LIX1L: variants seen among roughly 807,000 people sequenced by gnomAD.
LIX1L encodes LIX1-like protein.
A neutral mutation model predicts 34.0 loss-of-function variants in LIX1L; 20 were observed. That is an observed-to-expected ratio of 0.59 (90% CI 0.41 to 0.85). The LOEUF is 0.85. LIX1L is among the 40% of genes least tolerant of loss of function. The probability of loss-of-function intolerance (pLI) is 0.00; values close to 1 mark genes in which losing one functional copy is unlikely to be tolerated. For synonymous variants in LIX1L, 170 were observed against 187.4 expected, an observed-to-expected ratio of 0.91 and a Z score of 0.76; for missense variants, 397 against 447.0, an observed-to-expected ratio of 0.89 and a Z score of 1.01.
intron 2 of LIX1L, among the ~76,000 whole-genome samples, chr1:145,945,777 G>T (rs1649081537): frequency 7.3e-6 from 1 of 136,404 alleles, no homozygotes. Context: ...AAGAAGGAAA[G>T]ATCTTATTCT....
Position 145,948,822 on chromosome 1 carries a change from AC to A in LIX1L, c.293-1041del, listed in dbSNP as rs1649194704. 1.3e-5 allele frequency: 2 copies of A among 152,186 alleles called. No individual in the cohort carries two copies. The highest frequency in any genetic ancestry group is 1.3e-4 in the Admixed American group (2 of 15,274). 9.4% of individuals were successfully genotyped at this position (152,186 alleles called of 1,614,324 possible). A position where few individuals can be genotyped will look rare whatever the true frequency, so the allele number is the denominator to read the frequency against. ...AGCAAGAAATATTGAGGGATGAGGTACTACCTTCACTCAGATAAAGAACTTG... is the reference window on the plus strand; with the variant it reads ...AGCAAGAAATATTGAGGGATGAGGTATACCTTCACTCAGATAAAGAACTTG... On this transcript the variant is annotated intron_variant, in intron 1 of 5. Transcript: ENST00000604000. The surrounding 1 kb of genome is among the most constrained non-coding windows in gnomAD (Gnocchi z 4.0).
At chr1:145,954,581 A>G (rs587624628) in intron 1 of LIX1L, among the ~76,000 whole-genome samples, 53 of 152,348 alleles carry the variant, frequency 3.5e-4, no homozygotes, top group African/African-American at 1.2e-3. Flanking sequence ...TACTTCCAAA[A>G]CAACAGGTTT....
intron 1 of LIX1L, among the ~76,000 whole-genome samples, chr1:145,953,845 G>A (rs1376223147): frequency 6.6e-6 from 1 of 152,088 alleles, no homozygotes; most frequent in Non-Finnish European, 1.5e-5. Flanking sequence ...CTTGAGGCCA[G>A]GAGTTCAAGA....
At chr1:145,945,748 CAAA>C (rs1289472683) in intron 2 of LIX1L, among the ~76,000 whole-genome samples, 10 of 78,340 alleles carry the variant, frequency 1.3e-4, no homozygotes, top group Admixed American at 1.6e-4. Flanking sequence ...GACTCTATCT[CAAA>C]AAAAAAAAAA....
At chr1:145,940,757 T>C (rs1322255945) in intron 3 of LIX1L, among the ~76,000 whole-genome samples, 2 of 151,210 alleles carry the variant, frequency 1.3e-5, no homozygotes, top group African/African-American at 4.9e-5. Context: ...TTTCACCATG[T>C]CAGCCAGATG....
intron 4 of LIX1L, chr1:145,937,270 G>C (rs1553757968): frequency 1.0e-5 from 2 of 199,192 alleles, no homozygotes; most frequent in Admixed American, 5.8e-5. Flanking sequence ...CTGCTTCCTG[G>C]GTTCAAGCAA....
chr1:145,939,728 T>A (rs1236114870), intron 3 of LIX1L: 1 of 148,362 alleles, frequency 6.7e-6, no homozygotes, highest in African/African-American at 2.5e-5. Context: ...AGCCTTGACC[T>A]CCTCACTCAA....
Position 145,944,777 on chromosome 1 carries a change from C to G in LIX1L, c.457-1924G>C, listed in dbSNP as rs144726781. Among the ~76,000 whole-genome samples the G allele has an allele frequency of 3.6e-3, 552 of 152,284 alleles. 5 individuals are homozygous for G. The highest frequency in any genetic ancestry group is 0.013 in the African/African-American group (532 of 41,564). Reference sequence around the variant, plus strand: ...GCGAGGTGGCTCACACCTGTAATCCCAGCACTTTGGAAGGCTGAGGTGAAA... The same window carrying G: ...GCGAGGTGGCTCACACCTGTAATCCGAGCACTTTGGAAGGCTGAGGTGAAA... On this transcript the variant is annotated intron_variant, in intron 2 of 5. Coordinates refer to ENST00000604000, the MANE Select transcript of LIX1L (RefSeq NM_153713.3).
rs1648533294 is a variant in LIX1L, at chr1:145,934,237, C to G, written c.*2073G>C. 1 of 152,156 alleles carries G rather than the reference C, an allele frequency of 6.6e-6. No homozygotes were observed. The highest frequency in any genetic ancestry group is 2.4e-5 in the African/African-American group (1 of 41,438). 9.4% of individuals were successfully genotyped at this position (152,156 alleles called of 1,614,324 possible). On this transcript the variant is annotated 3_prime_UTR_variant, in exon 6 of 6. Coordinates refer to ENST00000604000, the MANE Select transcript of LIX1L (RefSeq NM_153713.3). ...AGCTGCTGTACTACAGGTTATTTCT[C>G]TCTTATGTCACCCAGGAGAGAAGTG...
At position 145,948,027 on chromosome 1, in the gene LIX1L, AT is replaced by A. The variant is rs1430724030; in HGVS notation, c.293-246del. Among the ~76,000 whole-genome samples, 4 of 151,512 alleles carry A rather than the reference AT, an allele frequency of 2.6e-5. No individual in the cohort carries two copies. The highest frequency in any genetic ancestry group is 1.9e-4 in the East Asian group (1 of 5,182). ...CTGGTTCACATTTTATTTTATTTAA[AT>A]TTTTTTTTCACTCCCACCTCCAATC... On this transcript the variant is annotated intron_variant, in intron 1 of 5. Transcript: ENST00000604000. The surrounding 1 kb of genome is among the most constrained non-coding windows in gnomAD (Gnocchi z 4.0).
chr1:145,935,930 A>C lies in LIX1L; in HGVS notation c.*380T>G, dbSNP rs1171608221. The C allele has an allele frequency of 2.2e-5, 5 of 227,504 alleles. No homozygotes were observed. Among genetic ancestry groups the C allele is most frequent in the Non-Finnish European group, 4.4e-5 (5 of 113,566 alleles). 14.1% of individuals were successfully genotyped at this position (227,504 alleles called of 1,614,324 possible). ...GAGTCCAAGAGGAAGCAGGAATGAG[A>C]GTAAGGGTGGGGCACATAATCCTTA... is the stretch of plus-strand genomic sequence containing the variant. On this transcript the variant is annotated 3_prime_UTR_variant, in exon 6 of 6. Transcript: ENST00000604000.
At chr1:145,943,598 G>A (rs1162659343) in intron 2 of LIX1L, among the ~76,000 whole-genome samples, 1 of 152,202 alleles carries the variant, frequency 6.6e-6, no homozygotes, top group Non-Finnish European at 1.5e-5. Flanking sequence ...ATCTGCAGAA[G>A]TCTCAAAATT....
Position 145,957,919 on chromosome 1 carries a change from A to G in LIX1L, c.9T>C (p.Thr3=). 1.3e-6 allele frequency: 2 copies of G among 1,487,128 alleles called. No homozygotes were observed. Among genetic ancestry groups the G allele is most frequent in the Non-Finnish European group, 1.8e-6 (2 of 1,122,164 alleles). The allele number at this position is 1,487,128 out of a possible 1,614,324, so 92.1% of individuals were successfully genotyped here. ...CAGGCTGCAGCCGCTGCGCTCGCATAGTCTCCATCCCGGCCGCCAATGGAG... is the reference window on the plus strand; with the variant it reads ...CAGGCTGCAGCCGCTGCGCTCGCATGGTCTCCATCCCGGCCGCCAATGGAG... The part of the protein sequence containing the change: ME[T]MRAQRLQPGV... The change falls in exon 1 of 6, where the codon ACT becomes ACC. Residue 3 remains threonine (T), a synonymous_variant. Transcript: ENST00000604000.
At chr1:145,957,509 CAGA>C (rs1649517517) in intron 1 of LIX1L, 124 bp downstream of exon 1, 1 of 1,287,690 alleles carries the variant, frequency 7.8e-7, no homozygotes, top group Non-Finnish European at 9.9e-7. Context: ...GTGCGTAGCC[CAGA>C]AGGAAACTCC....
intron 1 of LIX1L, among the ~76,000 whole-genome samples, chr1:145,956,456 C>A (rs782553893): frequency 4.6e-5 from 7 of 152,076 alleles, no homozygotes; most frequent in Non-Finnish European, 7.4e-5. Flanking sequence ...CATATTGTAA[C>A]CCTTGAAGAA....
Position 145,935,482 on chromosome 1 carries a change from C to T in LIX1L, c.*828G>A, listed in dbSNP as rs1478815206. The T allele has an allele frequency of 6.6e-6, 1 of 152,388 alleles. No homozygotes were observed. Among genetic ancestry groups the T allele is most frequent in the Non-Finnish European group, 1.5e-5 (1 of 68,082 alleles). 9.4% of individuals were successfully genotyped at this position (152,388 alleles called of 1,614,324 possible). ...AAGGGAAATATGGAAATATGTTTTA[C>T]TTTCTACTAATAGCTGCAGGCAGGA... On this transcript the variant is annotated 3_prime_UTR_variant, in exon 6 of 6. Transcript: ENST00000604000.
chr1:145,945,609 G>A (rs1177013482), intron 2 of LIX1L, among the ~76,000 whole-genome samples: 3 of 151,648 alleles, frequency 2.0e-5, no homozygotes, highest in Non-Finnish European at 1.5e-5. Context: ...TTAGCTGAGC[G>A]TGGTGGCAGG....
At position 145,957,845 on chromosome 1, in the gene LIX1L, A is replaced by G. The variant is rs1553760651; in HGVS notation, c.83T>C (p.Val28Ala). ...GGCGGTGGCGGCCGCGGCCCCAGTC[A>G]CTCCGGGCCGCAGCGCTCGGAGAGT... is the stretch of plus-strand genomic sequence containing the variant. Reference protein sequence around the residue: ...RGTLRALRPGVTGAAAATATP... With the variant: ...RGTLRALRPGATGAAAATATP... The change falls in exon 1 of 6, where the codon GTG becomes GCG. Residue 28 changes from valine (V) to alanine (A), a missense_variant. This residue lies in a region of LIX1L where 207 missense variants were observed against 205.2 expected (regional missense o/e 1.01). Transcript: ENST00000604000. 2.8e-6 allele frequency: 4 copies of G among 1,425,010 alleles called. No homozygotes were observed. Among genetic ancestry groups the G allele is most frequent in the Non-Finnish European group, 3.7e-6 (4 of 1,090,112 alleles). The allele number at this position is 1,425,010 out of a possible 1,614,324, so 88.3% of individuals were successfully genotyped here. A position where few individuals can be genotyped will look rare whatever the true frequency, so the allele number is the denominator to read the frequency against.
intron 1 of LIX1L, among the ~76,000 whole-genome samples, chr1:145,949,922 T>C (rs1433136344): frequency 2.0e-5 from 3 of 151,386 alleles, no homozygotes; most frequent in Non-Finnish European, 4.4e-5. Context: ...GCCCAGGCGA[T>C]CCTCCAACCT....
Sources: allele counts gnomAD v4.1 joint callset (sites outside exome capture counted in the v4.1 genomes callset), GRCh38; gene constraint gnomAD v4.1.1; regional missense constraint gnomAD v4.1.1; non-coding constraint Gnocchi (gnomAD v3.1); transcripts MANE v1.5; gene names NCBI Gene and HGNC (gene_info 2026-07-23, HGNC 2026-07-21).